ATP5F1B: variants seen among roughly 807,000 people sequenced by gnomAD.
The protein encoded by ATP5F1B is ATP synthase F1 subunit beta, also known as ATP synthase F(1) complex subunit beta, mitochondrial.
ATP5F1B carries 17 observed loss-of-function variants against 45.9 expected under a neutral mutation model. The ratio of observed to expected loss-of-function variants is 0.37; its 90% CI spans 0.25 to 0.56. The LOEUF (loss-of-function observed/expected upper bound fraction) is 0.56. ATP5F1B is among the 20% of genes least tolerant of loss of function. The probability of loss-of-function intolerance (pLI) is 0.80; values close to 1 mark genes in which losing one functional copy is unlikely to be tolerated. For synonymous variants in ATP5F1B, 218 were observed against 256.5 expected (o/e 0.85, Z 1.43); for missense variants, 387 against 673.2 (o/e 0.57, Z 4.70).
chr12:56,644,736 A>C (rs201929593), intron 3 of ATP5F1B, 45 bp downstream of exon 3: 1 of 1,562,820 alleles, frequency 6.4e-7, no homozygotes, highest in East Asian at 2.3e-5. Flanking sequence ...AAAACTGCAA[A>C]TAACAGAAGT....
At chr12:56,641,960 T>G (rs1951515377) in intron 7 of ATP5F1B, among the ~76,000 whole-genome samples, 1 of 152,196 alleles carries the variant, frequency 6.6e-6, no homozygotes, top group Middle Eastern at 3.4e-3. Flanking sequence ...TAGAAACCAT[T>G]GCTTTGTGAT....
Position 56,645,977 on chromosome 12 carries a change from T to C in ATP5F1B, c.-14A>G. Reference sequence around the variant, plus strand: ...AAACCCCAACATGGCGTAGTCCGGGTGGAGACTGAAGGCTGCAGCAACCGC... The same window carrying C: ...AAACCCCAACATGGCGTAGTCCGGGCGGAGACTGAAGGCTGCAGCAACCGC... On this transcript the variant is annotated 5_prime_UTR_variant, in exon 1 of 10. Transcript: ENST00000262030. The C allele has an allele frequency of 6.3e-7, 1 of 1,591,338 alleles. No individual in the cohort carries two copies. The highest frequency in any genetic ancestry group is 1.3e-5 in the African/African-American group (1 of 74,708).
intron 3 of ATP5F1B, 51 bp from the exon 4 acceptor site, chr12:56,644,009 T>C: frequency 6.3e-7 from 1 of 1,595,754 alleles, no homozygotes; most frequent in Middle Eastern, 1.7e-4. Flanking sequence ...TGAAAGCAAA[T>C]GATAATCTTA....
chr12:56,643,700 G>C (rs748949827), intron 4 of ATP5F1B, 113 bp from the exon 5 acceptor site: 6 of 1,574,954 alleles, frequency 3.8e-6, no homozygotes, highest in African/African-American at 1.4e-5. Flanking sequence ...AATTGCATCT[G>C]GCTTCAGCAA....
chr12:56,640,473 C>A (rs1165711999), intron 7 of ATP5F1B, among the ~76,000 whole-genome samples: 1 of 152,056 alleles, frequency 6.6e-6, no homozygotes, highest in South Asian at 2.1e-4. Flanking sequence ...CGTGATCCAC[C>A]CGCCTTGGCC....
At position 56,638,439 on chromosome 12, in the gene ATP5F1B, G is replaced by GAAA; in HGVS notation, c.1490-19_1490-17dup. On this transcript the variant is annotated splice_polypyrimidine_tract_variant and intron_variant, in intron 9 of 9. Transcript: ENST00000262030. ...TCATATTCACCTGTATGATGGGGGA[G>GAAA]AAAAAAAAAAAGAGTAAGAAGCGGA... The GAAA allele has an allele frequency of 2.5e-6, 3 of 1,203,670 alleles. No individual in the cohort carries two copies. The highest frequency in any genetic ancestry group is 1.6e-5 in the African/African-American group (1 of 62,412). 74.6% of individuals were successfully genotyped at this position (1,203,670 alleles called of 1,614,324 possible).
intron 5 of ATP5F1B, 46 bp from the exon 6 acceptor site, chr12:56,642,877 A>G (rs1355203016): frequency 1.2e-6 from 2 of 1,605,306 alleles, no homozygotes; most frequent in South Asian, 2.2e-5. Flanking sequence ...AGGAGTAGAG[A>G]AGCCACATAC....
chr12:56,640,883 A>C (rs1194523225), intron 7 of ATP5F1B, among the ~76,000 whole-genome samples: 1 of 150,010 alleles, frequency 6.7e-6, no homozygotes, highest in Non-Finnish European at 1.5e-5. Context: ...AAAAAAAAAA[A>C]AAAACGGAAA....
rs762550455 is a variant in ATP5F1B at position 56,645,983 on chromosome 12, C to T, written c.-20G>A. On this transcript the variant is annotated 5_prime_UTR_variant, in exon 1 of 10. Transcript: ENST00000262030. The stretch of plus-strand genomic sequence containing the variant: ...CAACATGGCGTAGTCCGGGTGGAGA[C>T]TGAAGGCTGCAGCAACCGCAGCCGC... 9 of 1,583,390 alleles carry T rather than the reference C, an allele frequency of 5.7e-6. No homozygotes were observed. In the East Asian group the frequency reaches 1.6e-4, roughly 28 times the overall value.
In ATP5F1B at chr12:56,640,002, C is replaced by T. The variant is rs1279663011; in HGVS notation, c.1265G>A (p.Arg422His). The change falls in exon 8 of 10, where the codon CGT (arginine) becomes CAT (histidine). Residue 422 changes from arginine to histidine, a missense_variant. By Grantham distance (29) the Arg-to-His change is conservative (BLOSUM62 0). Around this residue, in one of 6 missense-constraint regions of ATP5F1B, gnomAD observed 154 missense variants for 361.4 expected, o/e 0.43. Transcript: ENST00000262030. ...IVGSEHYDVA[R>H]GVQKILQDYK... is the part of the protein sequence containing the mutation. Reference sequence around the variant, plus strand: ...CACCTGCAGGATCTTTTGCACCCCACGGGCAACATCGTAATGCTCACTGCC... The same window carrying T: ...CACCTGCAGGATCTTTTGCACCCCATGGGCAACATCGTAATGCTCACTGCC... 3 of 1,613,938 alleles carry T rather than the reference C, an allele frequency of 1.9e-6. No homozygotes were observed. Among genetic ancestry groups the T allele is most frequent in the African/African-American group, 1.3e-5 (1 of 74,982 alleles).
chr12:56,642,629 A>G, intron 6 of ATP5F1B, 44 bp downstream of exon 6: 3 of 1,614,006 alleles, frequency 1.9e-6, no homozygotes, highest in Non-Finnish European at 2.5e-6. Context: ...CCTCATCCGA[A>G]GAAAGGCCAG....
At chr12:56,638,982 G>C in intron 9 of ATP5F1B, 124 bp downstream of exon 9, 1 of 896,360 alleles carries the variant, frequency 1.1e-6, no homozygotes. Flanking sequence ...CAAAATCAAT[G>C]GGTAAGTTTG....
chr12:56,644,742 G>C (rs767639654), intron 3 of ATP5F1B, 39 bp downstream of exon 3: 8 of 1,563,354 alleles, frequency 5.1e-6, no homozygotes, highest in Admixed American at 1.9e-5. Flanking sequence ...GCAAATAACA[G>C]AAGTTCCTTT....
At position 56,644,673 on chromosome 12, in the gene ATP5F1B, G is replaced by A. The variant is rs370749968; in HGVS notation, c.485+108C>T. The A allele has an allele frequency of 1.3e-4, 157 of 1,191,966 alleles. No homozygotes were observed. In the South Asian group the frequency reaches 2.4e-3, roughly 18 times the overall value. 73.8% of individuals were successfully genotyped at this position (1,191,966 alleles called of 1,614,324 possible). Reference sequence around the variant, plus strand: ...ACTGCACTGTGTGATTTTAATAATCGAACGTATCAGAAGAAAAATTCTGCT... The same window carrying A: ...ACTGCACTGTGTGATTTTAATAATCAAACGTATCAGAAGAAAAATTCTGCT... On this transcript the variant is annotated intron_variant, in intron 3 of 9. Transcript: ENST00000262030.
Position 56,645,921 on chromosome 12 carries a change from C to T in ATP5F1B, c.43G>A (p.Gly15Arg), listed in dbSNP as rs775064847. 9 of 1,606,962 alleles carry T rather than the reference C, an allele frequency of 5.6e-6. No homozygotes were observed. Among genetic ancestry groups the T allele is most frequent in the Non-Finnish European group, 7.6e-6 (9 of 1,177,414 alleles). The change falls in exon 1 of 10, where the codon GGG (glycine) becomes AGG (arginine). Residue 15 changes from glycine (G) to arginine (R), a missense_variant. Physicochemically the swap from Gly to Arg is moderately radical, Grantham distance 125. Coordinates refer to ENST00000262030, the MANE Select transcript of ATP5F1B (RefSeq NM_001686.4). ...GAAGGGGTGAGTCTCCGCAAGGCCC[C>T]GGAGGCCGGAGCAGCGGCCACCCGA... ...VGRVAAAPASGALRRLTPSAS... is the reference protein window; with the variant it reads ...VGRVAAAPASRALRRLTPSAS...
At chr12:56,645,642 A>G (rs554648281) in intron 1 of ATP5F1B, among the ~76,000 whole-genome samples, 195 bp downstream of exon 1, 1 of 152,324 alleles carries the variant, frequency 6.6e-6, no homozygotes, top group Non-Finnish European at 1.5e-5. Context: ...GACTTTATAC[A>G]AAATGGGACA....
At chr12:56,639,686 G>A (rs184060164) in intron 8 of ATP5F1B, among the ~76,000 whole-genome samples, 205 of 151,370 alleles carry the variant, frequency 1.4e-3, no homozygotes, top group African/African-American at 4.8e-3. Flanking sequence ...CAGGAGAATC[G>A]CTTGAACCTG....
Position 56,644,032 on chromosome 12 carries a change from T to C in ATP5F1B, c.486-74A>G, listed in dbSNP as rs558585205. The C allele has an allele frequency of 1.9e-5, 29 of 1,541,634 alleles. No homozygotes were observed. In the African/African-American group the frequency reaches 2.5e-4, roughly 13 times the overall value. On this transcript the variant is annotated intron_variant, in intron 3 of 9. Coordinates refer to ENST00000262030, the MANE Select transcript of ATP5F1B (RefSeq NM_001686.4). Reference sequence around the variant, plus strand: ...AATGATAATCTTATATATCCCTCCCTATCAACTCTCAAGTCCATCCCTTTA... The same window carrying C: ...AATGATAATCTTATATATCCCTCCCCATCAACTCTCAAGTCCATCCCTTTA...
chr12:56,643,103 G>A (rs1592645129), intron 5 of ATP5F1B: 3 of 493,232 alleles, frequency 6.1e-6, no homozygotes, highest in East Asian at 3.3e-5. Context: ...TATGTACCAC[G>A]TCCAATCCAG....
Sources: allele counts gnomAD v4.1 joint callset (sites outside exome capture counted in the v4.1 genomes callset), GRCh38; gene constraint gnomAD v4.1.1; regional missense constraint gnomAD v4.1.1; transcripts MANE v1.5; gene names NCBI Gene and HGNC (gene_info 2026-07-23, HGNC 2026-07-21).